Variants in STRN3 observed in about 807,000 individuals in gnomAD.
STRN3 encodes the protein striatin-3.
Under a neutral mutation model 95.6 loss-of-function variants are expected in STRN3, and 29 were observed. The ratio of observed to expected loss-of-function variants is 0.30; its 90% CI spans 0.23 to 0.41. STRN3 has a LOEUF of 0.41. Among genes scored for constraint, STRN3 ranks in the 10% least tolerant of loss-of-function variants. The pLI, the probability that STRN3 is intolerant of heterozygous loss-of-function variation, is 1.00. For synonymous variants in STRN3, 331 were observed against 357.6 expected (o/e 0.93, Z 0.84); for missense variants, 890 against 972.1 (o/e 0.92, Z 1.12).
intron 1 of STRN3, among the ~76,000 whole-genome samples, chr14:31,024,714 A>G (rs1883702673): frequency 6.6e-6 from 1 of 152,186 alleles, no homozygotes; most frequent in Non-Finnish European, 1.5e-5. Context: ...TTTCAGCACT[A>G]CATTTGCCTA....
chr14:30,896,538 G>A (rs935289534), intron 16 of STRN3, among the ~76,000 whole-genome samples: 2 of 147,812 alleles, frequency 1.4e-5, no homozygotes, highest in African/African-American at 5.0e-5. Flanking sequence ...AAAATGGGAA[G>A]GAAAGAGAAA....
At chr14:30,992,218 CT>C (rs906232225) in intron 1 of STRN3, among the ~76,000 whole-genome samples, 1 of 151,786 alleles carries the variant, frequency 6.6e-6, no homozygotes, top group Non-Finnish European at 1.5e-5. Flanking sequence ...CAAGAACAGC[CT>C]GGCCAACATG....
intron 16 of STRN3, among the ~76,000 whole-genome samples, chr14:30,899,849 C>T (rs1036631053): frequency 6.6e-6 from 1 of 151,390 alleles, no homozygotes; most frequent in Non-Finnish European, 1.5e-5. Context: ...ATGCTGAATA[C>T]ATTTTTATTA....
At chr14:31,000,627 G>T (rs979834220) in intron 1 of STRN3, among the ~76,000 whole-genome samples, 2 of 152,112 alleles carry the variant, frequency 1.3e-5, no homozygotes, top group Non-Finnish European at 2.9e-5. Context: ...TCGGTAGTGA[G>T]GTTATCTTCC....
At chr14:31,006,070 G>C (rs1372634352) in intron 1 of STRN3, among the ~76,000 whole-genome samples, 2 of 141,608 alleles carry the variant, frequency 1.4e-5, no homozygotes, top group African/African-American at 5.3e-5. Context: ...AGTAAGCCGA[G>C]ATCGCGCCAC....
rs907913622 is a variant in STRN3 at position 30,981,832 on chromosome 14, C to T, written c.283-25590G>A. 3.3e-5 allele frequency among the ~76,000 whole-genome samples: 5 copies of T among 152,260 alleles called. No homozygotes were observed. The East Asian group carries it at 7.7e-4, about 23-fold the overall frequency. On this transcript the variant is annotated intron_variant, in intron 1 of 17. Coordinates refer to ENST00000357479, the MANE Select transcript of STRN3 (RefSeq NM_001083893.2). ...ATTCCAGGCTGGGTGCGGTGGCTCA[C>T]GCCTGAAATCCTAGCACTTTCGGAG...
At chr14:30,911,284 C>T (rs1896601213) in intron 12 of STRN3, 122 bp from the exon 13 acceptor site, 2 of 1,022,124 alleles carry the variant, frequency 2.0e-6, no homozygotes, top group South Asian at 1.8e-5. Context: ...AACATGTACA[C>T]CTGACTGGTA....
At chr14:30,938,265 G>A (rs1878923284) in intron 5 of STRN3, among the ~76,000 whole-genome samples, 1 of 151,298 alleles carries the variant, frequency 6.6e-6, no homozygotes, top group Admixed American at 6.6e-5. Flanking sequence ...ACTGAATGTA[G>A]GAGATGGTTT....
intron 10 of STRN3, among the ~76,000 whole-genome samples, chr14:30,913,211 ATTT>A (rs1048848072): frequency 9.2e-5 from 14 of 152,114 alleles, no homozygotes; most frequent in Admixed American, 7.2e-4. Context: ...GATTCAGGTT[ATTT>A]TTTTTCTTGT....
intron 1 of STRN3, among the ~76,000 whole-genome samples, chr14:30,958,731 T>C (rs1040749285): frequency 2.0e-5 from 3 of 152,216 alleles, no homozygotes; most frequent in Non-Finnish European, 2.9e-5. Flanking sequence ...GAGAAAGGCA[T>C]TGAAAGTAAG....
At chr14:30,970,117 T>TAACACC (rs1880750907) in intron 1 of STRN3, among the ~76,000 whole-genome samples, 1 of 152,226 alleles carries the variant, frequency 6.6e-6, no homozygotes, top group African/African-American at 2.4e-5. Context: ...ATCTAGTTAT[T>TAACACC]AACACCAAGT....
chr14:31,008,456 C>T (rs1421150156), intron 1 of STRN3, among the ~76,000 whole-genome samples: 1 of 152,006 alleles, frequency 6.6e-6, no homozygotes, highest in Non-Finnish European at 1.5e-5. Flanking sequence ...TGCAGTGAGC[C>T]ATGATTACAC....
intron 1 of STRN3, among the ~76,000 whole-genome samples, chr14:30,982,468 C>T (rs1594536361): frequency 1.3e-5 from 2 of 152,130 alleles, no homozygotes; most frequent in South Asian, 2.1e-4. Context: ...CCACCACTCC[C>T]GGCTAATTTT....
At position 31,006,254 on chromosome 14, in the gene STRN3, A is replaced by C. The variant is rs1473801640; in HGVS notation, c.282+19650T>G. ...AATTCCATTATATAAAGGTAATACC[A>C]CCCTTTAAAAGAAATCTAGGCTGGG... On this transcript the variant is annotated intron_variant, in intron 1 of 17. Coordinates refer to ENST00000357479, the MANE Select transcript of STRN3 (RefSeq NM_001083893.2). Among the ~76,000 whole-genome samples, 3 of 152,154 alleles carry C rather than the reference A, an allele frequency of 2.0e-5. No homozygotes were observed. The East Asian group carries it at 5.8e-4, about 29-fold the overall frequency.
At position 30,912,115 on chromosome 14, in the gene STRN3, T is replaced by C; in HGVS notation, c.1442A>G (p.Asp481Gly). The C allele has an allele frequency of 6.2e-7, 1 of 1,614,136 alleles. No homozygotes were observed. Residue 481 changes from aspartate (D) to glycine (G), a missense_variant, in exon 11 of 18, where the codon GAT becomes GGT. By Grantham distance (94) the Asp-to-Gly change is moderately conservative. Transcript: ENST00000357479. ...ATGAAAAGCTAATGCCCGTACTCCA[T>C]CAAAATGGCTACGTAGTGTATACTT... ...NPKYTLRSHFDGVRALAFHPV... is the reference protein window; with the variant it reads ...NPKYTLRSHFGGVRALAFHPV...
chr14:31,002,779 G>T (rs1011914792), intron 1 of STRN3, among the ~76,000 whole-genome samples: 7 of 152,096 alleles, frequency 4.6e-5, no homozygotes, highest in African/African-American at 1.4e-4. Context: ...AAGGTACCTA[G>T]AGTAGTCAAA....
chr14:30,952,296 C>T (rs774859153), intron 3 of STRN3, among the ~76,000 whole-genome samples: 12 of 152,168 alleles, frequency 7.9e-5, no homozygotes, highest in Non-Finnish European at 1.6e-4. Flanking sequence ...GATCAACCCT[C>T]ATACTGAATG....
chr14:30,912,011 TGGCAGGAA>T lies in STRN3; in HGVS notation c.1538_1545del (p.Val513GlufsTer15). 6.2e-7 allele frequency: 1 copy of T among 1,606,472 alleles called. No homozygotes were observed. The highest frequency in any genetic ancestry group is 1.7e-5 in the Admixed American group (1 of 57,782). ...GGCTAACACTAAAATACTTGCTTTT[TGGCAGGAA>T]CTGTTTTTTGCAGGTTCCAAAGTTT... On this transcript the variant is annotated frameshift_variant, in exon 11 of 18. Transcript: ENST00000357479. LOFTEE classifies it high-confidence loss of function.
chr14:30,958,101 T>C (rs1437190461), intron 1 of STRN3, among the ~76,000 whole-genome samples: 1 of 152,188 alleles, frequency 6.6e-6, no homozygotes, highest in Non-Finnish European at 1.5e-5. Flanking sequence ...TATAAACAGC[T>C]ACAGAGTTCA....
Sources: allele counts gnomAD v4.1 joint callset (sites outside exome capture counted in the v4.1 genomes callset), GRCh38; gene constraint gnomAD v4.1.1; transcripts MANE v1.5; gene names NCBI Gene and HGNC (gene_info 2026-07-23, HGNC 2026-07-21).